The following OCA2 variants were observed in gnomAD, a reference collection of about 807,000 sequenced individuals.
The protein encoded by OCA2 is OCA2 melanosomal transmembrane protein, also known as P protein.
OCA2 carries 77 observed loss-of-function variants against 100.2 expected under a neutral mutation model. That is an observed-to-expected ratio of 0.77 (90% CI 0.64 to 0.93). The LOEUF (loss-of-function observed/expected upper bound fraction) is 0.93, where lower values mean the gene tolerates loss of function less well. Among genes scored for constraint, OCA2 ranks in the 40% least tolerant of loss-of-function variants. The pLI, the probability that OCA2 is intolerant of heterozygous loss-of-function variation, is 0.00. For synonymous variants in OCA2, 432 were observed against 439.2 expected, an observed-to-expected ratio of 0.98 and a Z score of 0.21; for missense variants, 1,062 against 1,089.1, an observed-to-expected ratio of 0.98 and a Z score of 0.35.
intron 20 of OCA2, 52 bp from the exon 21 acceptor site, chr15:27,871,310 C>T (rs2036564020): frequency 2.9e-6 from 4 of 1,393,974 alleles, no homozygotes; most frequent in Admixed American, 1.7e-5. Flanking sequence ...CACTTAGGGT[C>T]AGACCCACCA....
chr15:27,867,820 T>G (rs1053700108), intron 21 of OCA2, among the ~76,000 whole-genome samples: 1 of 152,232 alleles, frequency 6.6e-6, no homozygotes, highest in African/African-American at 2.4e-5. Flanking sequence ...TCACAGACAC[T>G]GAGAAAATTT....
At chr15:27,992,888 C>T (rs764720300) in intron 9 of OCA2, among the ~76,000 whole-genome samples, 8 of 152,132 alleles carry the variant, frequency 5.3e-5, no homozygotes, top group Non-Finnish European at 1.2e-4. Flanking sequence ...TTTGGGAGGC[C>T]AAGGCAGGCA....
intron 14 of OCA2, among the ~76,000 whole-genome samples, chr15:27,976,658 T>C (rs2040976861): frequency 1.3e-5 from 2 of 152,208 alleles, no homozygotes; most frequent in Non-Finnish European, 2.9e-5. Flanking sequence ...TTACTAATTT[T>C]TTAAATATTA....
chr15:28,039,238 T>C (rs1046253326), intron 2 of OCA2, among the ~76,000 whole-genome samples: 32 of 152,256 alleles, frequency 2.1e-4, no homozygotes, highest in African/African-American at 7.7e-4. Context: ...TAATGGATAG[T>C]ATAGCCAGAC....
chr15:28,090,803 C>T (rs1330985262), intron 1 of OCA2, among the ~76,000 whole-genome samples: 3 of 151,548 alleles, frequency 2.0e-5, no homozygotes, highest in Non-Finnish European at 4.4e-5. Context: ...GAAAATAAAC[C>T]CAAAGCAAGC....
the OCA2 span, among the ~76,000 whole-genome samples, chr15:27,725,734 G>A: frequency 1.3e-5 from 2 of 152,288 alleles, no homozygotes; most frequent in East Asian, 1.9e-4. Flanking sequence ...TGGAGCTTCT[G>A]CCTGCAGGGT....
At chr15:28,050,308 T>C (rs901488573) in intron 2 of OCA2, among the ~76,000 whole-genome samples, 3 of 151,772 alleles carry the variant, frequency 2.0e-5, no homozygotes, top group Non-Finnish European at 4.4e-5. Flanking sequence ...AAAAGATCAA[T>C]ACCCTCTTGG....
chr15:28,021,007 C>A (rs1009748119), intron 6 of OCA2, among the ~76,000 whole-genome samples: 19 of 152,196 alleles, frequency 1.2e-4, no homozygotes, highest in African/African-American at 4.3e-4. Context: ...CAGATTACAG[C>A]AACTGCAAGG....
At chr15:27,858,810 C>A (rs567735502) in intron 21 of OCA2, among the ~76,000 whole-genome samples, 11 of 151,968 alleles carry the variant, frequency 7.2e-5, no homozygotes, top group Non-Finnish European at 1.3e-4. Flanking sequence ...CAAAACAATT[C>A]TCAATAAATT....
chr15:27,843,186 C>T (rs1379810159), intron 23 of OCA2, among the ~76,000 whole-genome samples: 2 of 152,146 alleles, frequency 1.3e-5, no homozygotes, highest in Non-Finnish European at 2.9e-5. Flanking sequence ...GTATAGTATG[C>T]TTGGCCAACC....
intron 4 of OCA2, 76 bp downstream of exon 4, chr15:28,027,795 G>C: frequency 2.7e-6 from 4 of 1,463,158 alleles, no homozygotes; most frequent in Non-Finnish European, 3.8e-6. Flanking sequence ...CTGCTGGTTT[G>C]AAAGATGGAG....
chr15:27,934,856 T>A (rs1214184450), intron 18 of OCA2, among the ~76,000 whole-genome samples: 1 of 152,194 alleles, frequency 6.6e-6, no homozygotes, highest in Non-Finnish European at 1.5e-5. Context: ...GAAGACCTTG[T>A]CCCTGCAAAA....
At chr15:27,982,235 G>A (rs1032688363) in intron 14 of OCA2, among the ~76,000 whole-genome samples, 2 of 152,142 alleles carry the variant, frequency 1.3e-5, no homozygotes, top group African/African-American at 4.8e-5. Flanking sequence ...CTGGTTTTTG[G>A]AATTATGAAT....
At chr15:27,976,308 G>A (rs1170237647) in intron 14 of OCA2, among the ~76,000 whole-genome samples, 1 of 152,184 alleles carries the variant, frequency 6.6e-6, no homozygotes, top group African/African-American at 2.4e-5. Context: ...AATAAAAATA[G>A]TGAGAACAGA....
chr15:27,806,440 C>T (rs1445140747), intron 23 of OCA2, among the ~76,000 whole-genome samples: 1 of 152,154 alleles, frequency 6.6e-6, no homozygotes, highest in Non-Finnish European at 1.5e-5. Flanking sequence ...GGGGAGTAAG[C>T]AAGGGAATTC....
intron 19 of OCA2, among the ~76,000 whole-genome samples, chr15:27,920,341 A>G (rs2038813390): frequency 6.6e-6 from 1 of 152,212 alleles, no homozygotes; most frequent in African/African-American, 2.4e-5. Context: ...ACATCAGACA[A>G]AACTGACCTT....
intron 9 of OCA2, among the ~76,000 whole-genome samples, chr15:28,007,047 A>G (rs990535226): frequency 4.6e-5 from 7 of 152,232 alleles, no homozygotes; most frequent in African/African-American, 1.7e-4. Context: ...ATATGAAAGG[A>G]CCCAGAGCAA....
At chr15:27,727,030 G>A in the OCA2 span, among the ~76,000 whole-genome samples, 3 of 152,222 alleles carry the variant, frequency 2.0e-5, no homozygotes, top group Admixed American at 6.5e-5. Flanking sequence ...CTTGTGATGC[G>A]AGTTATGTTG....
rs143878820 is a variant in OCA2 at position 28,088,992 on chromosome 15, C to T, written c.-21-7097G>A. ...GCTTATTTCATCCCTCATCGACAAC[C>T]GTAAAAGACAGACGTCCCCAAAGTG... is the stretch of plus-strand genomic sequence containing the variant. On this transcript the variant is annotated intron_variant, in intron 1 of 23. Transcript: ENST00000354638. 5.8e-3 allele frequency among the ~76,000 whole-genome samples: 884 copies of T among 152,256 alleles called. 5 individuals carry two copies. The highest frequency in any genetic ancestry group is 0.02 in the African/African-American group (813 of 41,542).
Sources: allele counts gnomAD v4.1 joint callset (sites outside exome capture counted in the v4.1 genomes callset), GRCh38; gene constraint gnomAD v4.1.1; transcripts MANE v1.5; gene names NCBI Gene and HGNC (gene_info 2026-07-23, HGNC 2026-07-21).